The following SLC12A5 variants were observed in gnomAD, a reference collection of about 807,000 sequenced individuals.
SLC12A5 encodes solute carrier family 12 member 5, also known as K-Cl cotransporter 2.
A neutral mutation model predicts 124.0 loss-of-function variants in SLC12A5; 18 were observed. The ratio of observed to expected loss-of-function variants is 0.15; its 90% CI spans 0.10 to 0.22. The LOEUF is 0.22. SLC12A5 is among the 10% of genes least tolerant of loss of function. The pLI is 1.00. For synonymous variants in SLC12A5, 589 were observed against 568.0 expected (o/e 1.04, Z -0.53); for missense variants, 867 against 1,478.7 (o/e 0.59, Z 6.78).
chr20:46,044,951 T>C lies in SLC12A5; in HGVS notation c.1395-15T>C. 1.2e-6 allele frequency: 2 copies of C among 1,614,174 alleles called. No individual in the cohort carries two copies. Among genetic ancestry groups the C allele is most frequent in the East Asian group, 2.2e-5 (1 of 44,870 alleles). On this transcript the variant is annotated splice_polypyrimidine_tract_variant and intron_variant, in intron 11 of 25. Transcript: ENST00000243964. ...AGCACTGCTCACCTGGCATCTCCTG[T>C]CCACATCATTCCAGGTTTGGCGAAG...
Position 46,058,840 on chromosome 20 carries a change from C to G in SLC12A5, c.*1235C>G, listed in dbSNP as rs947362858. ...CGTCCCCATCTGGCAGCTCCTGTCT[C>G]GCCTGAGGGACCCAGCCGCCTTCTC... On this transcript the variant is annotated 3_prime_UTR_variant, in exon 26 of 26. Transcript: ENST00000243964. This position sits in a 1 kb window ranked among gnomAD's most constrained non-coding sequence, Gnocchi z 5.8. 8 of 397,702 alleles carry G rather than the reference C, an allele frequency of 2.0e-5. No homozygotes were observed. Among genetic ancestry groups the G allele is most frequent in the Admixed American group, 8.8e-5 (2 of 22,722 alleles). 24.6% of individuals were successfully genotyped at this position (397,702 alleles called of 1,614,324 possible).
rs776814751 is a variant in SLC12A5, at chr20:46,034,977, T to G, written c.82T>G (p.Phe28Val). 1 of 1,613,988 alleles carries G rather than the reference T, an allele frequency of 6.2e-7. No homozygotes were observed. Among genetic ancestry groups the G allele is most frequent in the Non-Finnish European group, 8.5e-7 (1 of 1,179,942 alleles). The part of the protein sequence containing the change: ...GDGNPKESSP[F>V]INSTDTEKGK... The stretch of plus-strand genomic sequence containing the variant: ...TGGCAACCCCAAGGAAAGCAGTCCC[T>G]TCATCAACAGCACCGACACAGAGAA... The change falls in exon 2 of 26, where the codon TTC becomes GTC. Residue 28 changes from phenylalanine to valine, a missense_variant. Coordinates refer to ENST00000243964, the MANE Select transcript of SLC12A5 (RefSeq NM_020708.5).
rs1184658528 is a variant in SLC12A5 at position 46,037,150 on chromosome 20, G to A, written c.482-105G>A. 9 of 1,467,534 alleles carry A rather than the reference G, an allele frequency of 6.1e-6. No homozygotes were observed. The South Asian group carries it at 8.5e-5, about 14-fold the overall frequency. 90.9% of individuals were successfully genotyped at this position (1,467,534 alleles called of 1,614,324 possible). On this transcript the variant is annotated intron_variant, in intron 5 of 25. Transcript: ENST00000243964. Reference sequence around the variant, plus strand: ...CTAGGGCTGCAGCCCATAAGCCTGTGAGGCCTGGAGCAACCCCCTTCTGCC... The same window carrying A: ...CTAGGGCTGCAGCCCATAAGCCTGTAAGGCCTGGAGCAACCCCCTTCTGCC...
At position 46,053,548 on chromosome 20, in the gene SLC12A5, A is replaced by G; in HGVS notation, c.2548-30A>G. 6.2e-7 allele frequency: 1 copy of G among 1,612,070 alleles called. No homozygotes were observed. The highest frequency in any genetic ancestry group is 2.2e-5 in the East Asian group (1 of 44,864). ...GATCTCCTCATCACATCTGGGCTGG[A>G]CCTTTCTGAATCCCCTTCATCGCCT... On this transcript the variant is annotated intron_variant, in intron 19 of 25. Transcript: ENST00000243964. The surrounding 1 kb of genome is among the most constrained non-coding windows in gnomAD (Gnocchi z 4.7).
chr20:46,032,258 A>T (rs1181824875), intron 1 of SLC12A5, among the ~76,000 whole-genome samples: 9 of 152,232 alleles, frequency 5.9e-5, no homozygotes, highest in Non-Finnish European at 1.0e-4. Flanking sequence ...CGGGCCAGGA[A>T]GCCCCTATTC....
rs951723063 is a variant in SLC12A5, at chr20:46,058,796, G to T, written c.*1191G>T. Reference sequence around the variant, plus strand: ...GGACCCACTGAGAGGCCCCAGAGCCGCCCGTGATGTTCCTCCCCCGTCCCC... The same window carrying T: ...GGACCCACTGAGAGGCCCCAGAGCCTCCCGTGATGTTCCTCCCCCGTCCCC... On this transcript the variant is annotated 3_prime_UTR_variant, in exon 26 of 26. Transcript: ENST00000243964. This position sits in a 1 kb window ranked among gnomAD's most constrained non-coding sequence, Gnocchi z 5.8. 9 of 398,000 alleles carry T rather than the reference G, an allele frequency of 2.3e-5. No individual in the cohort carries two copies. Among genetic ancestry groups the T allele is most frequent in the Admixed American group, 1.3e-4 (3 of 22,718 alleles). 24.7% of individuals were successfully genotyped at this position (398,000 alleles called of 1,614,324 possible).
In SLC12A5 at chr20:46,056,864, T is replaced by G. The variant is rs764584571; in HGVS notation, c.3111-33T>G. On this transcript the variant is annotated intron_variant, in intron 23 of 25. Transcript: ENST00000243964. This position sits in a 1 kb window ranked among gnomAD's most constrained non-coding sequence, Gnocchi z 4.3. Reference sequence around the variant, plus strand: ...TCTTTTTCTGACTCTGCTCTTTTTCTTTCTCTCTTTGCATCTCTTGTGTTT... The same window carrying G: ...TCTTTTTCTGACTCTGCTCTTTTTCGTTCTCTCTTTGCATCTCTTGTGTTT... The G allele has an allele frequency of 8.7e-6, 14 of 1,610,954 alleles. No individual in the cohort carries two copies. Among genetic ancestry groups the G allele is most frequent in the Non-Finnish European group, 1.7e-6 (2 of 1,177,400 alleles).
intron 8 of SLC12A5, among the ~76,000 whole-genome samples, chr20:46,042,126 G>A (rs2084553527): frequency 1.3e-5 from 2 of 152,170 alleles, no homozygotes; most frequent in African/African-American, 4.8e-5. Context: ...TGGTATGACT[G>A]GGGCATAAAG....
At chr20:46,042,537 G>T (rs148435798) in intron 8 of SLC12A5, among the ~76,000 whole-genome samples, 1 of 152,080 alleles carries the variant, frequency 6.6e-6, no homozygotes. Context: ...CAAAACTGGA[G>T]GGGTGTACCT....
chr20:46,025,030 G>A (rs897955273), upstream of SLC12A5, among the ~76,000 whole-genome samples: 5 of 152,184 alleles, frequency 3.3e-5, no homozygotes, highest in Non-Finnish European at 7.3e-5. Context: ...CCACAATGTA[G>A]CCCATCTGTG....
rs747186916 is a variant in SLC12A5 at position 46,045,469 on chromosome 20, T to G, written c.1569+329T>G. Among the ~76,000 whole-genome samples the G allele has an allele frequency of 6.6e-6, 1 of 152,022 alleles. No individual in the cohort carries two copies. ...TGTCTGCTCTTGGGGAAAAAATAAATGGCCCTGTTTTGGCACTGTGGTTGG... is the reference window on the plus strand; with the variant it reads ...TGTCTGCTCTTGGGGAAAAAATAAAGGGCCCTGTTTTGGCACTGTGGTTGG... On this transcript the variant is annotated intron_variant, in intron 12 of 25. Coordinates refer to ENST00000243964, the MANE Select transcript of SLC12A5 (RefSeq NM_020708.5). This position sits in a 1 kb window ranked among gnomAD's most constrained non-coding sequence, Gnocchi z 4.9.
rs374273794 is a variant in SLC12A5, at chr20:46,056,191, A to G, written c.2829A>G (p.Arg943=). ...ATGAGTCACGAGGCTCAATCCGGAG[A>G]AAGAATCCAGCCAACACGCGGCTCC... ...ITDESRGSIR[R]KNPANTRLRL... Residue 943 remains arginine, a synonymous_variant, in exon 22 of 26, where the codon AGA becomes AGG. Transcript: ENST00000243964. This position sits in a 1 kb window ranked among gnomAD's most constrained non-coding sequence, Gnocchi z 4.3. 4 of 1,614,052 alleles carry G rather than the reference A, an allele frequency of 2.5e-6. No homozygotes were observed. In the African/African-American group the frequency reaches 5.3e-5, roughly 22 times the overall value.
At position 46,059,706 on chromosome 20, in the gene SLC12A5, C is replaced by T. The variant is rs958201077; in HGVS notation, c.*2101C>T. The stretch of plus-strand genomic sequence containing the variant: ...GCAATATTTGTTATGAATGTTATCA[C>T]AAGTCATTCATCAAGTTATCTTTAT... On this transcript the variant is annotated 3_prime_UTR_variant, in exon 26 of 26. Transcript: ENST00000243964. The T allele has an allele frequency of 2.5e-6, 1 of 398,936 alleles. No homozygotes were observed. Among genetic ancestry groups the T allele is most frequent in the Non-Finnish European group, 4.4e-6 (1 of 226,062 alleles). 24.7% of individuals were successfully genotyped at this position (398,936 alleles called of 1,614,324 possible). A position where few individuals can be genotyped will look rare whatever the true frequency, so the allele number is the denominator to read the frequency against.
rs11405083 is a variant in SLC12A5 at position 46,045,552 on chromosome 20, TAAA to T, written c.1570-318_1570-316del. Among the ~76,000 whole-genome samples the T allele has an allele frequency of 2.7e-5, 4 of 148,196 alleles. No individual in the cohort carries two copies. Among genetic ancestry groups the T allele is most frequent in the African/African-American group, 9.8e-5 (4 of 40,664 alleles). On this transcript the variant is annotated intron_variant, in intron 12 of 25. Coordinates refer to ENST00000243964, the MANE Select transcript of SLC12A5 (RefSeq NM_020708.5). The surrounding 1 kb of genome is among the most constrained non-coding windows in gnomAD (Gnocchi z 4.9). The stretch of plus-strand genomic sequence containing the variant: ...AAAAGGGTAGCTTTTACCATGGTGC[TAAA>T]AAAAAAAGACGGATGGAGCACAGGG...
In SLC12A5 at chr20:46,057,151, C is replaced by A. The variant is rs766692928; in HGVS notation, c.3126-19C>A. 1.9e-6 allele frequency: 3 copies of A among 1,613,582 alleles called. No homozygotes were observed. The South Asian group carries it at 3.3e-5, about 18-fold the overall frequency. ...ACCCCCCCGGCTCACGCGGTCTCCA[C>A]TCCTCCTTCCTGCCGCAGGAACCAG... is the stretch of plus-strand genomic sequence containing the variant. On this transcript the variant is annotated intron_variant, in intron 24 of 25. Coordinates refer to ENST00000243964, the MANE Select transcript of SLC12A5 (RefSeq NM_020708.5). The surrounding 1 kb of genome is among the most constrained non-coding windows in gnomAD (Gnocchi z 7.1).
chr20:46,056,784 C>T lies in SLC12A5; in HGVS notation c.3111-113C>T. 1 of 1,276,992 alleles carries T rather than the reference C, an allele frequency of 7.8e-7. No individual in the cohort carries two copies. The highest frequency in any genetic ancestry group is 1.1e-6 in the Non-Finnish European group (1 of 880,826). The allele number at this position is 1,276,992 out of a possible 1,614,324, so 79.1% of individuals were successfully genotyped here. A position where few individuals can be genotyped will look rare whatever the true frequency, so the allele number is the denominator to read the frequency against. ...AGCGGAAAGGTGAAGGGTGTGGGGG[C>T]TGGCAGAGCAGGACTCAGGGCAGAT... On this transcript the variant is annotated intron_variant, in intron 23 of 25. Transcript: ENST00000243964. This position sits in a 1 kb window ranked among gnomAD's most constrained non-coding sequence, Gnocchi z 4.3.
Position 46,035,837 on chromosome 20 carries a change from G to A in SLC12A5, c.340G>A (p.Val114Ile), listed in dbSNP as rs760750912. The A allele has an allele frequency of 1.3e-5, 21 of 1,614,028 alleles. No individual in the cohort carries two copies. In the Admixed American group the frequency reaches 1.7e-4, roughly 13 times the overall value. ...YLPCLQNIFG[V>I]ILFLRLTWVV... ...GCCGTGCCTGCAGAACATCTTTGGC[G>A]TCATCCTCTTCCTGCGGCTCACCTG... The change falls in exon 4 of 26, where the codon GTC (valine) becomes ATC (isoleucine). Residue 114 changes from valine to isoleucine, a missense_variant. Val to Ile is a conservative substitution (Grantham distance 29, BLOSUM62 3). Transcript: ENST00000243964.
rs1400204969 is a variant in SLC12A5 at position 46,059,662 on chromosome 20, A to C, written c.*2057A>C. Reference sequence around the variant, plus strand: ...ACAGACATCCCACAACAAAAACCCAAGTTTTCTGTGCTACATGTGCAATAT... The same window carrying C: ...ACAGACATCCCACAACAAAAACCCACGTTTTCTGTGCTACATGTGCAATAT... On this transcript the variant is annotated 3_prime_UTR_variant, in exon 26 of 26. Coordinates refer to ENST00000243964, the MANE Select transcript of SLC12A5 (RefSeq NM_020708.5). 2 of 398,882 alleles carry C rather than the reference A, an allele frequency of 5.0e-6. No homozygotes were observed. The highest frequency in any genetic ancestry group is 8.8e-6 in the Non-Finnish European group (2 of 226,070). The allele number at this position is 398,882 out of a possible 1,614,324, so 24.7% of individuals were successfully genotyped here.
intron 5 of SLC12A5, among the ~76,000 whole-genome samples, chr20:46,037,033 A>G (rs2084504889): frequency 1.3e-5 from 2 of 152,044 alleles, no homozygotes; most frequent in African/African-American, 2.4e-5. Flanking sequence ...TTTCTGAGCC[A>G]TGACCTCCTT....
Sources: allele counts gnomAD v4.1 joint callset (sites outside exome capture counted in the v4.1 genomes callset), GRCh38; gene constraint gnomAD v4.1.1; non-coding constraint Gnocchi (gnomAD v3.1); transcripts MANE v1.5; gene names NCBI Gene and HGNC (gene_info 2026-07-23, HGNC 2026-07-21).